Variants in GIT2 observed in about 807,000 individuals in gnomAD.
The protein encoded by GIT2 is ARF GTPase-activating protein GIT2.
Under a neutral mutation model 100.3 loss-of-function variants are expected in GIT2, and 32 were observed. That is an observed-to-expected ratio of 0.32 (90% CI 0.24 to 0.43). GIT2 has a LOEUF of 0.43. Ranked by LOEUF, GIT2 falls within the 20% of genes least tolerant of loss-of-function variation. The pLI is 1.00. For missense variants in GIT2, 737 were observed against 975.1 expected, an observed-to-expected ratio of 0.76 and a Z score of 3.25; for synonymous variants, 353 against 364.1, an observed-to-expected ratio of 0.97 and a Z score of 0.35.
At chr12:109,991,499 G>T in intron 2 of GIT2, 128 bp downstream of exon 2, 1 of 698,074 alleles carries the variant, frequency 1.4e-6, no homozygotes, top group Non-Finnish European at 2.5e-6. Context: ...TGATGGGCAT[G>T]CCATCTCTAT....
chr12:109,968,358 T>C (rs1320714310), intron 7 of GIT2, among the ~76,000 whole-genome samples: 1 of 152,136 alleles, frequency 6.6e-6, no homozygotes, highest in Non-Finnish European at 1.5e-5. Flanking sequence ...TGCCATCCCA[T>C]ATCTTGTCTT....
intron 14 of GIT2, among the ~76,000 whole-genome samples, chr12:109,949,855 A>C (rs1254570705): frequency 2.0e-5 from 3 of 152,250 alleles, no homozygotes; most frequent in Non-Finnish European, 4.4e-5. Flanking sequence ...TTATTAGTCC[A>C]ATTAATGGAA....
chr12:109,992,088 GAGGGTAC>G (rs1313287410), intron 1 of GIT2: 1 of 201,426 alleles, frequency 5.0e-6, no homozygotes, highest in East Asian at 1.2e-4. Context: ...AGCAAATTGA[GAGGGTAC>G]AGACGAATGA....
In GIT2 at chr12:109,978,602, ACTTT is replaced by A. The variant is rs1299000544; in HGVS notation, c.718+2346_718+2349del. ...CTAGTGATCTGTTTTCAATTCATTGACTTTCTTTGTCATCTCTATTCTTCTATTA... is the reference window on the plus strand; with the variant it reads ...CTAGTGATCTGTTTTCAATTCATTGACTTTGTCATCTCTATTCTTCTATTA... On this transcript the variant is annotated intron_variant, in intron 7 of 19. Coordinates refer to ENST00000355312, the MANE Select transcript of GIT2 (RefSeq NM_057169.5). 3.9e-5 allele frequency among the ~76,000 whole-genome samples: 6 copies of A among 152,142 alleles called. No homozygotes were observed. The East Asian group carries it at 9.6e-4, about 24-fold the overall frequency.
intron 7 of GIT2, among the ~76,000 whole-genome samples, chr12:109,972,271 A>G (rs1041573243): frequency 1.3e-5 from 2 of 152,110 alleles, no homozygotes; most frequent in South Asian, 2.1e-4. Context: ...CTTTCTCCCA[A>G]TTTGAAAGCA....
chr12:109,956,478 G>A (rs1879497523), intron 12 of GIT2, among the ~76,000 whole-genome samples: 1 of 152,154 alleles, frequency 6.6e-6, no homozygotes, highest in African/African-American at 2.4e-5. Context: ...ATCTCAGCTG[G>A]AAACATGTGC....
chr12:109,995,320 T>G (rs1385241968), intron 1 of GIT2, among the ~76,000 whole-genome samples: 2 of 152,210 alleles, frequency 1.3e-5, no homozygotes, highest in Admixed American at 1.3e-4. Context: ...TGCTGGTGAT[T>G]TTGCGTTTGT....
chr12:109,985,448 G>T (rs1034760863), intron 4 of GIT2, among the ~76,000 whole-genome samples: 2 of 152,212 alleles, frequency 1.3e-5, no homozygotes, highest in African/African-American at 4.8e-5. Context: ...AGATGTGGTG[G>T]CTCACGCCTG....
Position 109,947,418 on chromosome 12 carries a change from T to A in GIT2, c.1479A>T (p.Thr493=). ...TTAAGGAAGAGTGGTTGGAAGTGTC[T>A]GTGTACTCAGAACCAGTTTGCACCT... ...VYQVQTGSEY[T]DTSNHSSLKR... Residue 493 remains threonine, a synonymous_variant, in exon 15 of 20, where the codon ACA becomes ACT. Transcript: ENST00000355312. This position sits in a 1 kb window ranked among gnomAD's most constrained non-coding sequence, Gnocchi z 4.3. 6.2e-7 allele frequency: 1 copy of A among 1,614,078 alleles called. No homozygotes were observed. Among genetic ancestry groups the A allele is most frequent in the Non-Finnish European group, 8.5e-7 (1 of 1,179,934 alleles).
At chr12:109,967,533 T>C (rs1009049258) in intron 7 of GIT2, 30 bp from the exon 8 acceptor site, 1 of 1,493,350 alleles carries the variant, frequency 6.7e-7, no homozygotes, top group Admixed American at 1.7e-5. Context: ...AAAGTTTTGT[T>C]CATAGAAATG....
chr12:109,938,853 G>A, intron 17 of GIT2: 1 of 489,906 alleles, frequency 2.0e-6, no homozygotes, highest in Non-Finnish European at 3.6e-6. Flanking sequence ...CCTCAGGTGG[G>A]CCAACTCCTT....
At chr12:109,968,676 G>A (rs939607485) in intron 7 of GIT2, among the ~76,000 whole-genome samples, 4 of 151,998 alleles carry the variant, frequency 2.6e-5, no homozygotes, top group Non-Finnish European at 5.9e-5. Context: ...GCCTGCGTCG[G>A]CCTCCCAAAG....
intron 4 of GIT2, among the ~76,000 whole-genome samples, chr12:109,986,475 C>T (rs531591292): frequency 4.1e-4 from 63 of 152,190 alleles, no homozygotes; most frequent in African/African-American, 1.5e-3. Flanking sequence ...ACTAAAGATA[C>T]AAAAAATGGC....
chr12:109,941,658 A>T (rs1357326147), intron 16 of GIT2, among the ~76,000 whole-genome samples: 1 of 151,690 alleles, frequency 6.6e-6, no homozygotes, highest in East Asian at 1.9e-4. Flanking sequence ...AGTAGCTGGG[A>T]TTACAGGCAT....
Position 109,934,176 on chromosome 12 carries a change from TC to T in GIT2, c.2004-92del. ...GTGCTAGAACAGATTCTGTTTACAT[TC>T]CCTTCATGAAGGGGCTAGGGCTGCA... On this transcript the variant is annotated intron_variant, in intron 18 of 19. Transcript: ENST00000355312. This position sits in a 1 kb window ranked among gnomAD's most constrained non-coding sequence, Gnocchi z 4.5. 1 of 778,434 alleles carries T rather than the reference TC, an allele frequency of 1.3e-6. No individual in the cohort carries two copies. The highest frequency in any genetic ancestry group is 1.4e-5 in the South Asian group (1 of 71,908). The allele number at this position is 778,434 out of a possible 1,614,324, so 48.2% of individuals were successfully genotyped here. A position where few individuals can be genotyped will look rare whatever the true frequency, so the allele number is the denominator to read the frequency against.
chr12:109,952,883 C>A, intron 13 of GIT2: 1 of 593,396 alleles, frequency 1.7e-6, no homozygotes. Context: ...TAAAACACAC[C>A]AATCACTCCT....
chr12:109,975,944 G>A (rs1884929364), intron 7 of GIT2, among the ~76,000 whole-genome samples: 1 of 151,562 alleles, frequency 6.6e-6, no homozygotes, highest in Admixed American at 6.6e-5. Context: ...GCTAATTTTT[G>A]TATTTTTAGA....
At chr12:109,982,408 A>C (rs1352228716) in intron 6 of GIT2, 1 of 152,230 alleles carries the variant, frequency 6.6e-6, no homozygotes, top group African/African-American at 2.4e-5. Flanking sequence ...GGCATTTATG[A>C]ATCATCTTTT....
Position 109,934,102 on chromosome 12 carries a change from G to A in GIT2, c.2004-17C>T, listed in dbSNP as rs979820396. On this transcript the variant is annotated splice_polypyrimidine_tract_variant and intron_variant, in intron 18 of 19. Coordinates refer to ENST00000355312, the MANE Select transcript of GIT2 (RefSeq NM_057169.5). The surrounding 1 kb of genome is among the most constrained non-coding windows in gnomAD (Gnocchi z 4.5). ...GGAATATAACTGCAAGAATATTGAA[G>A]AAGTTATTCAATGACAGTAAAAATG... 2 of 1,392,696 alleles carry A rather than the reference G, an allele frequency of 1.4e-6. No homozygotes were observed. Among genetic ancestry groups the A allele is most frequent in the Non-Finnish European group, 2.0e-6 (2 of 978,576 alleles). 86.3% of individuals were successfully genotyped at this position (1,392,696 alleles called of 1,614,324 possible).
Sources: gnomAD v4.1 joint callset for allele counts (sites outside exome capture counted in the v4.1 genomes callset) on GRCh38, gnomAD v4.1.1 for gene constraint, Gnocchi (gnomAD v3.1) non-coding constraint, MANE v1.5 for transcripts, NCBI Gene and HGNC (gene_info 2026-07-23, HGNC 2026-07-21) for gene names.